RABGAP1L: variants seen among roughly 807,000 people sequenced by gnomAD.
RABGAP1L encodes RAB GTPase activating protein 1 like, also known as rab GTPase-activating protein 1-like.
RABGAP1L carries 63 observed loss-of-function variants against 137.7 expected under a neutral mutation model. The ratio of observed to expected loss-of-function variants is 0.46; its 90% confidence interval spans 0.37 to 0.56. The LOEUF is 0.56. Among genes scored for constraint, RABGAP1L ranks in the 20% least tolerant of loss-of-function variants. The probability of loss-of-function intolerance (pLI) is 0.00; values close to 1 mark genes in which losing one functional copy is unlikely to be tolerated. For synonymous variants in RABGAP1L, 431 were observed against 433.7 expected (o/e 0.99, Z 0.08); for missense variants, 1,095 against 1,244.0 (o/e 0.88, Z 1.80).
intron 7 of RABGAP1L, among the ~76,000 whole-genome samples, chr1:174,262,601 A>G (rs1673670345): frequency 6.6e-6 from 1 of 152,222 alleles, no homozygotes; most frequent in South Asian, 2.1e-4. Flanking sequence ...CATTGGTACA[A>G]TTTGCAGACC....
chr1:174,270,556 A>G (rs1042037594), intron 7 of RABGAP1L, among the ~76,000 whole-genome samples: 2 of 152,092 alleles, frequency 1.3e-5, no homozygotes, highest in Admixed American at 6.5e-5. Flanking sequence ...CATAATGCAT[A>G]CATGTAAGAA....
intron 1 of RABGAP1L, among the ~76,000 whole-genome samples, chr1:174,162,431 G>A (rs1333075965): frequency 6.6e-6 from 1 of 152,146 alleles, no homozygotes; most frequent in Non-Finnish European, 1.5e-5. Flanking sequence ...ATATGTGTGG[G>A]AGATAGCTAG....
chr1:174,272,096 T>A (rs1441890182), intron 7 of RABGAP1L, among the ~76,000 whole-genome samples: 1 of 151,996 alleles, frequency 6.6e-6, no homozygotes, highest in Non-Finnish European at 1.5e-5. Context: ...AAATAAAATC[T>A]CTTATCTCCC....
chr1:174,725,245 A>G (rs1211694395), intron 17 of RABGAP1L, among the ~76,000 whole-genome samples: 1 of 152,224 alleles, frequency 6.6e-6, no homozygotes, highest in African/African-American at 2.4e-5. Flanking sequence ...TGTATCAGCA[A>G]TGAACTTGCA....
At chr1:174,696,083 T>C (rs1046702153) in intron 15 of RABGAP1L, among the ~76,000 whole-genome samples, 3 of 152,142 alleles carry the variant, frequency 2.0e-5, no homozygotes, top group African/African-American at 7.2e-5. Flanking sequence ...GCATGGTACC[T>C]GACGACTACT....
At chr1:174,358,543 G>A (rs1194872555) in intron 11 of RABGAP1L, among the ~76,000 whole-genome samples, 3 of 152,168 alleles carry the variant, frequency 2.0e-5, no homozygotes, top group Non-Finnish European at 1.5e-5. Context: ...GGGAGGGCCT[G>A]TGACACTTTC....
intron 16 of RABGAP1L, chr1:174,700,950 A>G: frequency 1.3e-6 from 1 of 788,236 alleles, no homozygotes; most frequent in Non-Finnish European, 1.8e-6. Flanking sequence ...CCTCAACCAC[A>G]TTTTTCTGTT....
At chr1:174,954,859 C>G (rs1005334991) in intron 19 of RABGAP1L, among the ~76,000 whole-genome samples, 1 of 152,164 alleles carries the variant, frequency 6.6e-6, no homozygotes, top group African/African-American at 2.4e-5. Context: ...GAAGCTTCCC[C>G]TTTTTCTATA....
chr1:174,778,328 T>C (rs760464167), intron 18 of RABGAP1L, among the ~76,000 whole-genome samples: 1 of 152,170 alleles, frequency 6.6e-6, no homozygotes, highest in Non-Finnish European at 1.5e-5. Context: ...TGAAATGCTT[T>C]TATAGACATA....
At chr1:174,355,715 G>A (rs1683576217) in intron 11 of RABGAP1L, among the ~76,000 whole-genome samples, 2 of 151,850 alleles carry the variant, frequency 1.3e-5, no homozygotes, top group Admixed American at 6.6e-5. Context: ...TATTTTTGAC[G>A]GGTTTCAATG....
chr1:174,596,993 C>T (rs1333439747), intron 13 of RABGAP1L, among the ~76,000 whole-genome samples: 2 of 151,996 alleles, frequency 1.3e-5, no homozygotes, highest in Admixed American at 1.3e-4. Context: ...CTACGTCCTT[C>T]ATTCTTTTTA....
At chr1:174,663,392 A>T (rs901436089) in intron 14 of RABGAP1L, among the ~76,000 whole-genome samples, 3 of 152,232 alleles carry the variant, frequency 2.0e-5, no homozygotes, top group Non-Finnish European at 4.4e-5. Context: ...ACTAAATAGT[A>T]TATACTGTAA....
chr1:174,589,353 T>A (rs1572419314), intron 13 of RABGAP1L, among the ~76,000 whole-genome samples: 1 of 152,222 alleles, frequency 6.6e-6, no homozygotes, highest in East Asian at 1.9e-4. Flanking sequence ...CGGTTGTTCA[T>A]CATTTGTCAG....
At chr1:174,766,908 A>G (rs763184749) in intron 18 of RABGAP1L, among the ~76,000 whole-genome samples, 11 of 152,160 alleles carry the variant, frequency 7.2e-5, no homozygotes, top group Non-Finnish European at 1.6e-4. Flanking sequence ...TATTCTCTCC[A>G]AGCCTGCTAT....
chr1:174,544,328 T>A (rs560815912), intron 13 of RABGAP1L, among the ~76,000 whole-genome samples: 7 of 152,156 alleles, frequency 4.6e-5, no homozygotes, highest in African/African-American at 7.2e-5. Flanking sequence ...CTTCTCTTCT[T>A]GCTTCATTTC....
At chr1:174,302,829 T>A (rs1287344656) in intron 10 of RABGAP1L, among the ~76,000 whole-genome samples, 1 of 152,218 alleles carries the variant, frequency 6.6e-6, no homozygotes, top group South Asian at 2.1e-4. Context: ...AAACTTTTAA[T>A]CAACTATTAA....
chr1:174,845,069 T>A (rs1315144898), intron 19 of RABGAP1L, among the ~76,000 whole-genome samples: 3 of 149,486 alleles, frequency 2.0e-5, no homozygotes, highest in African/African-American at 7.3e-5. Context: ...TTTTGTACAT[T>A]GATTTTGTAT....
At chr1:174,724,919 G>T (rs1030659255) in intron 17 of RABGAP1L, among the ~76,000 whole-genome samples, 1 of 152,190 alleles carries the variant, frequency 6.6e-6, no homozygotes, top group Non-Finnish European at 1.5e-5. Flanking sequence ...ATGAGTAGGG[G>T]AAGTGCATGC....
intron 13 of RABGAP1L, among the ~76,000 whole-genome samples, chr1:174,560,710 C>G (rs1054672699): frequency 6.6e-6 from 1 of 152,120 alleles, no homozygotes; most frequent in African/African-American, 2.4e-5. Context: ...GCCATCCTCC[C>G]CTTCGCACCC....
Sources: allele counts gnomAD v4.1 joint callset (sites outside exome capture counted in the v4.1 genomes callset), GRCh38; gene constraint gnomAD v4.1.1; transcripts MANE v1.5; gene names NCBI Gene and HGNC (gene_info 2026-07-23, HGNC 2026-07-21).